The following WDR37 variants were observed in gnomAD, a reference collection of about 807,000 sequenced individuals.
WDR37 encodes WD repeat-containing protein 37.
In WDR37, 19 loss-of-function variants were observed where a neutral mutation model predicts 62.9. That is an observed-to-expected ratio of 0.30 (90% confidence interval 0.21 to 0.44). The LOEUF (loss-of-function observed/expected upper bound fraction) is 0.44. WDR37 is among the 20% of genes least tolerant of loss of function. The probability of loss-of-function intolerance (pLI) is 1.00; values close to 1 mark genes in which losing one functional copy is unlikely to be tolerated. For synonymous variants in WDR37, 250 were observed against 260.9 expected (o/e 0.96, Z 0.40); for missense variants, 474 against 657.6 (o/e 0.72, Z 3.05).
chr10:1,072,019 G>A, intron 1 of WDR37, 97 bp from the exon 2 acceptor site: 1 of 948,072 alleles, frequency 1.1e-6, no homozygotes, highest in Non-Finnish European at 1.5e-6. Context: ...CTATAGTAAG[G>A]AAGCTTGTAA....
At chr10:1,109,351 G>A (rs1447017222) in intron 11 of WDR37, among the ~76,000 whole-genome samples, 1 of 152,240 alleles carries the variant, frequency 6.6e-6, no homozygotes, top group African/African-American at 2.4e-5. Flanking sequence ...GCAAGTGCAT[G>A]TTTTCGCTTC....
intron 2 of WDR37, 55 bp downstream of exon 2, chr10:1,072,348 T>G: frequency 6.3e-7 from 1 of 1,598,504 alleles, no homozygotes; most frequent in South Asian, 1.1e-5. Flanking sequence ...AGACAGAGTT[T>G]CGCTCGTTTC....
chr10:1,127,759 C>T (rs976892971), intron 13 of WDR37, among the ~76,000 whole-genome samples: 1 of 152,066 alleles, frequency 6.6e-6, no homozygotes, highest in Non-Finnish European at 1.5e-5. Flanking sequence ...TGTGGAGGCC[C>T]GTGGGGCCCC....
intron 7 of WDR37, among the ~76,000 whole-genome samples, chr10:1,087,630 A>G (rs1345633452): frequency 1.3e-5 from 2 of 151,756 alleles, no homozygotes; most frequent in African/African-American, 4.9e-5. Context: ...GGTAGGCTTA[A>G]AATACTCAGT....
At chr10:1,128,516 A>G (rs940548228) in intron 13 of WDR37, among the ~76,000 whole-genome samples, 1 of 152,266 alleles carries the variant, frequency 6.6e-6, no homozygotes, top group Non-Finnish European at 1.5e-5. Flanking sequence ...TTTATATGAC[A>G]CCAAATGTAT....
At position 1,120,188 on chromosome 10, in the gene WDR37, C is replaced by T. The variant is rs79934515; in HGVS notation, c.1104-4030C>T. ...CAAAAGGCGTGGGTGATGAGAAAGG[C>T]CGGGATGGAGCTTCGGAGACCCCGA... On this transcript the variant is annotated intron_variant, in intron 11 of 13. Transcript: ENST00000263150. Among the ~76,000 whole-genome samples, 581 of 152,230 alleles carry T rather than the reference C, an allele frequency of 3.8e-3. 9 individuals are homozygous for T. The East Asian group carries it at 0.044, about 12-fold the overall frequency.
At chr10:1,080,287 G>A (rs1833990103) in intron 4 of WDR37, 125 bp from the exon 5 acceptor site, 23 of 1,322,776 alleles carry the variant, frequency 1.7e-5, no homozygotes, top group Non-Finnish European at 2.4e-5. Context: ...ATGGCTCTGT[G>A]TCACTAGGGT....
At chr10:1,099,766 G>C (rs187771433) in intron 9 of WDR37, among the ~76,000 whole-genome samples, 1 of 149,808 alleles carries the variant, frequency 6.7e-6, no homozygotes, top group Non-Finnish European at 1.5e-5. Context: ...GTGTGGCGGA[G>C]ACGTGAGGAG....
intron 9 of WDR37, chr10:1,096,629 C>T (rs527740847): frequency 2.2e-4 from 47 of 216,130 alleles, no homozygotes; most frequent in Admixed American, 5.5e-5. Flanking sequence ...GTTTTTTATG[C>T]GTCGCCCGGT....
chr10:1,107,521 G>C (rs1407649292), intron 11 of WDR37, among the ~76,000 whole-genome samples: 2 of 152,274 alleles, frequency 1.3e-5, no homozygotes, highest in Non-Finnish European at 2.9e-5. Context: ...TTCGCCTGTT[G>C]TATTGCAGCA....
rs192067493 is a variant in WDR37 at position 1,132,273 on chromosome 10, G to C, written c.*2929G>C. On this transcript the variant is annotated 3_prime_UTR_variant, in exon 14 of 14. Coordinates refer to ENST00000263150, the MANE Select transcript of WDR37 (RefSeq NM_014023.4). ...TAAACATCACGATGAGCTAGAAATT[G>C]AACAAATATAATACTGGTCACTCGA... The C allele has an allele frequency of 3.5e-4, 53 of 152,258 alleles. No individual in the cohort carries two copies. The highest frequency in any genetic ancestry group is 1.2e-3 in the African/African-American group (49 of 41,556). The allele number at this position is 152,258 out of a possible 1,614,324, so 9.4% of individuals were successfully genotyped here.
At chr10:1,088,341 G>T (rs1834268799) in intron 7 of WDR37, among the ~76,000 whole-genome samples, 1 of 152,190 alleles carries the variant, frequency 6.6e-6, no homozygotes, top group African/African-American at 2.4e-5. Flanking sequence ...CTTTTGACTT[G>T]CCTTCCTCAC....
chr10:1,105,939 C>G lies in WDR37; in HGVS notation c.1103+672C>G, dbSNP rs1041895317. Among the ~76,000 whole-genome samples the G allele has an allele frequency of 1.3e-5, 2 of 152,110 alleles. No homozygotes were observed. Among genetic ancestry groups the G allele is most frequent in the Non-Finnish European group, 2.9e-5 (2 of 68,014 alleles). ...TAGCTGGGACTAGAGGCACCTGCCA[C>G]CACGCCTGGCTAGTTTTTTGTATTT... is the stretch of plus-strand genomic sequence containing the variant. On this transcript the variant is annotated intron_variant, in intron 11 of 13. Coordinates refer to ENST00000263150, the MANE Select transcript of WDR37 (RefSeq NM_014023.4). The surrounding 1 kb of genome is among the most constrained non-coding windows in gnomAD (Gnocchi z 5.3).
intron 13 of WDR37, among the ~76,000 whole-genome samples, 188 bp from the exon 14 acceptor site, chr10:1,129,025 G>C (rs543152064): frequency 1.3e-5 from 2 of 150,858 alleles, no homozygotes; most frequent in Admixed American, 6.6e-5. Flanking sequence ...GCCCATGCAC[G>C]GTGGTCCATG....
intron 1 of WDR37, among the ~76,000 whole-genome samples, chr10:1,062,751 C>G (rs890131882): frequency 6.6e-6 from 1 of 152,228 alleles, no homozygotes; most frequent in Non-Finnish European, 1.5e-5. Context: ...TTCCTTATTC[C>G]TCCCATGAAG....
intron 5 of WDR37, among the ~76,000 whole-genome samples, chr10:1,082,503 C>T (rs1239234191): frequency 6.6e-6 from 1 of 152,192 alleles, no homozygotes; most frequent in Non-Finnish European, 1.5e-5. Context: ...ATTTTCACAA[C>T]CGTGCTTTAG....
At chr10:1,076,678 C>CAA (rs746636401) in intron 2 of WDR37, among the ~76,000 whole-genome samples, 8 of 73,584 alleles carry the variant, frequency 1.1e-4, no homozygotes, top group Admixed American at 4.2e-4. Context: ...GACTCCATCT[C>CAA]AAAAAAAAAA....
chr10:1,073,357 CTT>C (rs1780854980), intron 2 of WDR37, among the ~76,000 whole-genome samples: 1 of 152,158 alleles, frequency 6.6e-6, no homozygotes, highest in Non-Finnish European at 1.5e-5. Context: ...ATGTGGGTAA[CTT>C]TATGCCAGGA....
At chr10:1,072,071 T>C in intron 1 of WDR37, 45 bp from the exon 2 acceptor site, 1 of 1,499,148 alleles carries the variant, frequency 6.7e-7, no homozygotes, top group Admixed American at 2.1e-5. Context: ...TTCTTTTGTT[T>C]CAACTCGCTG....
Sources: gnomAD v4.1 joint callset for allele counts (sites outside exome capture counted in the v4.1 genomes callset) on GRCh38, gnomAD v4.1.1 for gene constraint, Gnocchi (gnomAD v3.1) non-coding constraint, MANE v1.5 for transcripts, NCBI Gene and HGNC (gene_info 2026-07-23, HGNC 2026-07-21) for gene names.